The following KCTD8 variants were observed in gnomAD, a reference collection of about 807,000 sequenced individuals.
The protein encoded by KCTD8 is BTB/POZ domain-containing protein KCTD8.
Under a neutral mutation model 31.5 loss-of-function variants are expected in KCTD8, and 27 were observed. The observed-to-expected ratio is 0.86, with a 90% confidence interval of 0.63 to 1.18. The LOEUF is 1.18. KCTD8 is among the 50% of genes most tolerant of loss of function. The pLI, the probability that KCTD8 is intolerant of heterozygous loss-of-function variation, is 0.00. For synonymous variants in KCTD8, 290 were observed against 280.0 expected, an observed-to-expected ratio of 1.04 and a Z score of -0.36; for missense variants, 658 against 647.7, an observed-to-expected ratio of 1.02 and a Z score of -0.17.
intron 1 of KCTD8, among the ~76,000 whole-genome samples, chr4:44,331,551 A>G (rs945615707): frequency 6.6e-6 from 1 of 151,738 alleles, no homozygotes; most frequent in African/African-American, 2.4e-5. Flanking sequence ...TGTGACACAC[A>G]TGAATTAACC....
chr4:44,209,543 C>A (rs543783705), intron 1 of KCTD8, among the ~76,000 whole-genome samples: 5 of 151,316 alleles, frequency 3.3e-5, no homozygotes, highest in South Asian at 2.1e-4. Flanking sequence ...CCACACACAC[C>A]CCCACCCACA....
At chr4:44,359,686 A>G (rs1249339867) in intron 1 of KCTD8, among the ~76,000 whole-genome samples, 1 of 152,140 alleles carries the variant, frequency 6.6e-6, no homozygotes, top group East Asian at 1.9e-4. Flanking sequence ...TATGCAGAGC[A>G]TGAATTAAAT....
At chr4:44,293,111 T>C (rs1717328133) in intron 1 of KCTD8, among the ~76,000 whole-genome samples, 1 of 152,074 alleles carries the variant, frequency 6.6e-6, no homozygotes. Context: ...TTAAACAAAA[T>C]CCAGAATCTG....
chr4:44,221,901 T>C lies in KCTD8; in HGVS notation c.962-46651A>G, dbSNP rs560401751. Among the ~76,000 whole-genome samples, 17 of 152,124 alleles carry C rather than the reference T, an allele frequency of 1.1e-4. No homozygotes were observed. The South Asian group carries it at 3.5e-3, about 32-fold the overall frequency. On this transcript the variant is annotated intron_variant, in intron 1 of 1. Coordinates refer to ENST00000360029, the MANE Select transcript of KCTD8 (RefSeq NM_198353.3). ...CAGACACACCCCGGAACAAATACTT[T>C]GCATCATTCAATCCAATCAAGTTGA...
chr4:44,348,002 T>G (rs1293721725), intron 1 of KCTD8, among the ~76,000 whole-genome samples: 2 of 152,150 alleles, frequency 1.3e-5, no homozygotes, highest in African/African-American at 4.8e-5. Context: ...GGAGAACTGT[T>G]CTCTAAATAC....
chr4:44,297,120 C>T (rs560958740), intron 1 of KCTD8, among the ~76,000 whole-genome samples: 9 of 152,104 alleles, frequency 5.9e-5, no homozygotes, highest in Admixed American at 5.9e-4. Flanking sequence ...ATAATTAAGA[C>T]ACCAACACAT....
chr4:44,269,862 G>A (rs375956133), intron 1 of KCTD8, among the ~76,000 whole-genome samples: 2 of 151,980 alleles, frequency 1.3e-5, no homozygotes, highest in East Asian at 1.9e-4. Context: ...CACCAGTTAG[G>A]ATGGCAATCA....
At chr4:44,296,783 T>G (rs1717449001) in intron 1 of KCTD8, among the ~76,000 whole-genome samples, 1 of 152,006 alleles carries the variant, frequency 6.6e-6, no homozygotes, top group Admixed American at 6.6e-5. Flanking sequence ...TTTGAAAGTT[T>G]TTTTGAGTAT....
chr4:44,242,360 C>T (rs899099373), intron 1 of KCTD8, among the ~76,000 whole-genome samples: 2 of 152,006 alleles, frequency 1.3e-5, no homozygotes, highest in South Asian at 2.1e-4. Context: ...AGGCGGATCA[C>T]GAGGTCAGGA....
At chr4:44,387,862 C>T (rs1720263044) in intron 1 of KCTD8, among the ~76,000 whole-genome samples, 1 of 151,486 alleles carries the variant, frequency 6.6e-6, no homozygotes, top group Non-Finnish European at 1.5e-5. Flanking sequence ...CAAAAATTGA[C>T]AAATGGAATT....
intron 1 of KCTD8, among the ~76,000 whole-genome samples, chr4:44,189,370 C>A (rs1035363209): frequency 1.3e-5 from 2 of 150,842 alleles, no homozygotes; most frequent in African/African-American, 2.4e-5. Flanking sequence ...TTTTGGAAAA[C>A]AATTATCATA....
At chr4:44,294,459 C>T (rs1030569818) in intron 1 of KCTD8, among the ~76,000 whole-genome samples, 1 of 152,172 alleles carries the variant, frequency 6.6e-6, no homozygotes, top group African/African-American at 2.4e-5. Context: ...ATTTCTCATG[C>T]CATCAAGTTC....
intron 1 of KCTD8, among the ~76,000 whole-genome samples, chr4:44,407,357 T>G (rs1009707316): frequency 6.6e-6 from 1 of 151,882 alleles, no homozygotes; most frequent in African/African-American, 2.4e-5. Flanking sequence ...TCCGATATAG[T>G]CATGACATTA....
At chr4:44,321,074 T>A (rs1245009266) in intron 1 of KCTD8, among the ~76,000 whole-genome samples, 2 of 152,222 alleles carry the variant, frequency 1.3e-5, no homozygotes, top group African/African-American at 4.8e-5. Flanking sequence ...CATAGCAACC[T>A]TCATCAACCA....
intron 1 of KCTD8, among the ~76,000 whole-genome samples, chr4:44,268,132 C>G (rs1011661628): frequency 1.3e-5 from 2 of 152,116 alleles, no homozygotes; most frequent in Admixed American, 6.5e-5. Flanking sequence ...AACATTGATG[C>G]AAAAATCCTC....
rs552837810 is a variant in KCTD8 at position 44,276,405 on chromosome 4, T to C, written c.962-101155A>G. On this transcript the variant is annotated intron_variant, in intron 1 of 1. Coordinates refer to ENST00000360029, the MANE Select transcript of KCTD8 (RefSeq NM_198353.3). ...TCTAAGTTATATAGTTGGCCTCTTA[T>C]TCGTTTGGATGCAGCTATATGTATT... 2.6e-5 allele frequency among the ~76,000 whole-genome samples: 4 copies of C among 152,098 alleles called. No individual in the cohort carries two copies. In the South Asian group the frequency reaches 8.3e-4, roughly 31 times the overall value.
chr4:44,376,418 C>CAA lies in KCTD8; in HGVS notation c.961+71143_961+71144dup, dbSNP rs1719918146. On this transcript the variant is annotated intron_variant, in intron 1 of 1. Coordinates refer to ENST00000360029, the MANE Select transcript of KCTD8 (RefSeq NM_198353.3). ...CACCACCCCTACTTCAGCCTTAAGACAAAATCATGCTGTCAACAGTTTCAC... is the reference window on the plus strand; with the variant it reads ...CACCACCCCTACTTCAGCCTTAAGACAAAAAATCATGCTGTCAACAGTTTCAC... Among the ~76,000 whole-genome samples the CAA allele has an allele frequency of 2.0e-5, 3 of 152,144 alleles. No homozygotes were observed. The South Asian group carries it at 6.2e-4, about 31-fold the overall frequency.
chr4:44,372,406 G>T (rs1306911308), intron 1 of KCTD8, among the ~76,000 whole-genome samples: 1 of 152,136 alleles, frequency 6.6e-6, no homozygotes, highest in Non-Finnish European at 1.5e-5. Context: ...TACACTGAGG[G>T]TATAGGCACA....
At chr4:44,317,429 C>T (rs1718168410) in intron 1 of KCTD8, among the ~76,000 whole-genome samples, 3 of 141,004 alleles carry the variant, frequency 2.1e-5, no homozygotes, top group Admixed American at 6.9e-5. Flanking sequence ...TTAGTAGAGA[C>T]GGGGTTTCAC....
Sources: allele counts gnomAD v4.1 joint callset (sites outside exome capture counted in the v4.1 genomes callset), GRCh38; gene constraint gnomAD v4.1.1; transcripts MANE v1.5; gene names NCBI Gene and HGNC (gene_info 2026-07-23, HGNC 2026-07-21).